The following H2BC15 variants were observed in gnomAD, a reference collection of about 807,000 sequenced individuals.
H2BC15 encodes H2B clustered histone 15, also known as histone H2B type 1-N.
In H2BC15, 5 loss-of-function variants were observed where a neutral mutation model predicts 6.6. That is an observed-to-expected ratio of 0.75 (90% CI 0.39 to 1.59). The LOEUF (loss-of-function observed/expected upper bound fraction) is 1.59. Among genes scored for constraint, H2BC15 ranks in the 40% most tolerant of loss-of-function variants. H2BC15 has a pLI of 0.02. For synonymous variants in H2BC15, 87 were observed against 75.2 expected (o/e 1.16, Z -0.81); for missense variants, 148 against 169.4 (o/e 0.87, Z 0.70).
Position 27,838,645 on chromosome 6 carries a change from G to C in H2BC15, c.-17G>C. Reference sequence around the variant, plus strand: ...TCCTGTTTTTTTCCTCCAATTTTCCGGCAGTTACTCCCAGTCATGCCCGAG... The same window carrying C: ...TCCTGTTTTTTTCCTCCAATTTTCCCGCAGTTACTCCCAGTCATGCCCGAG... On this transcript the variant is annotated 5_prime_UTR_variant, in exon 1 of 1. Transcript: ENST00000612898. 1.2e-6 allele frequency: 2 copies of C among 1,609,670 alleles called. No homozygotes were observed. The highest frequency in any genetic ancestry group is 1.7e-6 in the Non-Finnish European group (2 of 1,178,214).
At position 27,839,015 on chromosome 6, in the gene H2BC15, C is replaced by G. The variant is rs749853515; in HGVS notation, c.354C>G (p.Ala118=). ...ACGCGGTGTCGGAGGGCACCAAGGCCGTCACCAAGTACACCAGTTCCAAGT... is the reference window on the plus strand; with the variant it reads ...ACGCGGTGTCGGAGGGCACCAAGGCGGTCACCAAGTACACCAGTTCCAAGT... ...AKHAVSEGTK[A]VTKYTSSK The change falls in exon 1 of 1, where the codon GCC becomes GCG. Residue 118 remains alanine, a synonymous_variant. Transcript: ENST00000612898. 1.3e-5 allele frequency: 21 copies of G among 1,614,028 alleles called. No individual in the cohort carries two copies. Among genetic ancestry groups the G allele is most frequent in the African/African-American group, 4.0e-5 (3 of 74,944 alleles).
In H2BC15 at chr6:27,838,633, C is replaced by T. The variant is rs774493195; in HGVS notation, c.-29C>T. 3.7e-6 allele frequency: 6 copies of T among 1,603,444 alleles called. No homozygotes were observed. The highest frequency in any genetic ancestry group is 5.1e-6 in the Non-Finnish European group (6 of 1,176,468). ...GAGCTACCGTCTTCCTGTTTTTTTC[C>T]TCCAATTTTCCGGCAGTTACTCCCA... On this transcript the variant is annotated 5_prime_UTR_variant, in exon 1 of 1. Coordinates refer to ENST00000612898, the MANE Select transcript of H2BC15 (RefSeq NM_003520.4).
rs1561933989 is a variant in H2BC15, at chr6:27,838,852, A to G, written c.191A>G (p.Asn64Ser). 6.2e-7 allele frequency: 1 copy of G among 1,614,096 alleles called. No individual in the cohort carries two copies. Among genetic ancestry groups the G allele is most frequent in the African/African-American group, 1.3e-5 (1 of 75,004 alleles). ...GISSKAMGIM[N>S]SFVNDIFERI... ...TCGTCCAAGGCCATGGGCATCATGA[A>G]CTCCTTCGTCAATGACATCTTCGAG... Residue 64 changes from asparagine to serine, a missense_variant, in exon 1 of 1, where the codon AAC becomes AGC. Around this residue, in one of 2 missense-constraint regions of H2BC15, gnomAD observed 58 missense variants for 94.6 expected, o/e 0.61. Transcript: ENST00000612898.
rs759755555 is a variant in H2BC15 at position 27,839,083 on chromosome 6, C to T, written c.*41C>T. ...AACGTTCGGTCAGTCTCGGCCCACA[C>T]CCCAAAGGCTCTTTTCAGAGCCACT... On this transcript the variant is annotated 3_prime_UTR_variant, in exon 1 of 1. Coordinates refer to ENST00000612898, the MANE Select transcript of H2BC15 (RefSeq NM_003520.4). 3.0e-5 allele frequency: 48 copies of T among 1,603,246 alleles called. No individual in the cohort carries two copies. The highest frequency in any genetic ancestry group is 3.9e-5 in the Non-Finnish European group (46 of 1,174,122).
chr6:27,838,593 A>C lies in H2BC15; in HGVS notation c.-69A>C. 1 of 1,582,214 alleles carries C rather than the reference A, an allele frequency of 6.3e-7. No individual in the cohort carries two copies. Among genetic ancestry groups the C allele is most frequent in the Non-Finnish European group, 8.6e-7 (1 of 1,164,680 alleles). On this transcript the variant is annotated 5_prime_UTR_variant, in exon 1 of 1. Coordinates refer to ENST00000612898, the MANE Select transcript of H2BC15 (RefSeq NM_003520.4). Reference sequence around the variant, plus strand: ...CACTTGCGTTAAGAAGCAGTGAATAAGCGGTAGGTTGACAGAGCTACCGTC... The same window carrying C: ...CACTTGCGTTAAGAAGCAGTGAATACGCGGTAGGTTGACAGAGCTACCGTC...
rs748042771 is a variant in H2BC15, at chr6:27,838,864, A to G, written c.203A>G (p.Asn68Ser). 2.7e-5 allele frequency: 43 copies of G among 1,614,146 alleles called. No homozygotes were observed. Among genetic ancestry groups the G allele is most frequent in the African/African-American group, 8.0e-5 (6 of 74,948 alleles). Residue 68 changes from asparagine (N) to serine (S), a missense_variant, in exon 1 of 1, where the codon AAT becomes AGT. Transcript: ENST00000612898. ...KAMGIMNSFV[N>S]DIFERIAGEA... The stretch of plus-strand genomic sequence containing the variant: ...ATGGGCATCATGAACTCCTTCGTCA[A>G]TGACATCTTCGAGCGCATCGCCGGC...
rs1029683436 is a variant in H2BC15, at chr6:27,839,057, G to A, written c.*15G>A. 1 of 1,613,138 alleles carries A rather than the reference G, an allele frequency of 6.2e-7. No homozygotes were observed. Among genetic ancestry groups the A allele is most frequent in the African/African-American group, 1.3e-5 (1 of 75,062 alleles). On this transcript the variant is annotated 3_prime_UTR_variant, in exon 1 of 1. Transcript: ENST00000612898. ...GTTCCAAGTGAGCCCGCCCACCGCG[G>A]AACGTTCGGTCAGTCTCGGCCCACA...
chr6:27,839,098 T>A lies in H2BC15; in HGVS notation c.*56T>A. 6.3e-7 allele frequency: 1 copy of A among 1,580,582 alleles called. No homozygotes were observed. Among genetic ancestry groups the A allele is most frequent in the South Asian group, 1.1e-5 (1 of 87,074 alleles). On this transcript the variant is annotated 3_prime_UTR_variant, in exon 1 of 1. Coordinates refer to ENST00000612898, the MANE Select transcript of H2BC15 (RefSeq NM_003520.4). ...TCGGCCCACACCCCAAAGGCTCTTTTCAGAGCCACTCAGTCTTCCCAAAGA... is the reference window on the plus strand; with the variant it reads ...TCGGCCCACACCCCAAAGGCTCTTTACAGAGCCACTCAGTCTTCCCAAAGA...
rs1761093330 is a variant in H2BC15 at position 27,838,894 on chromosome 6, C to G, written c.233C>G (p.Ala78Gly). 1 of 1,614,160 alleles carries G rather than the reference C, an allele frequency of 6.2e-7. No individual in the cohort carries two copies. Among genetic ancestry groups the G allele is most frequent in the Non-Finnish European group, 8.5e-7 (1 of 1,180,064 alleles). The change falls in exon 1 of 1, where the codon GCT becomes GGT. Residue 78 changes from alanine to glycine, a missense_variant. Coordinates refer to ENST00000612898, the MANE Select transcript of H2BC15 (RefSeq NM_003520.4). ...NDIFERIAGE[A>G]SRLAHYNKRS... is the part of the protein sequence containing the mutation. Reference sequence around the variant, plus strand: ...ATCTTCGAGCGCATCGCCGGCGAGGCTTCCCGCCTGGCGCATTACAACAAG... The same window carrying G: ...ATCTTCGAGCGCATCGCCGGCGAGGGTTCCCGCCTGGCGCATTACAACAAG...
chr6:27,839,053 C>A lies in H2BC15; in HGVS notation c.*11C>A. ...ACCAGTTCCAAGTGAGCCCGCCCACCGCGGAACGTTCGGTCAGTCTCGGCC... is the reference window on the plus strand; with the variant it reads ...ACCAGTTCCAAGTGAGCCCGCCCACAGCGGAACGTTCGGTCAGTCTCGGCC... On this transcript the variant is annotated 3_prime_UTR_variant, in exon 1 of 1. Coordinates refer to ENST00000612898, the MANE Select transcript of H2BC15 (RefSeq NM_003520.4). 1 of 1,613,286 alleles carries A rather than the reference C, an allele frequency of 6.2e-7. No individual in the cohort carries two copies. Among genetic ancestry groups the A allele is most frequent in the Non-Finnish European group, 8.5e-7 (1 of 1,179,464 alleles).
chr6:27,838,762 G>T lies in H2BC15; in HGVS notation c.101G>T (p.Arg34Leu). 2 of 1,614,246 alleles carry T rather than the reference G, an allele frequency of 1.2e-6. No homozygotes were observed. Among genetic ancestry groups the T allele is most frequent in the Non-Finnish European group, 1.7e-6 (2 of 1,180,040 alleles). Residue 34 changes from arginine to leucine, a missense_variant, in exon 1 of 1, where the codon CGC (arginine) becomes CTC (leucine). Arg to Leu is a moderately radical substitution (Grantham distance 102, BLOSUM62 -2). Transcript: ENST00000612898. ...KKDGKKRKRSRKESYSVYVYK... is the reference protein window; with the variant it reads ...KKDGKKRKRSLKESYSVYVYK... ...GACGGCAAGAAGCGCAAGCGCAGCC[G>T]CAAGGAGAGCTACTCCGTGTACGTG...
Position 27,838,599 on chromosome 6 carries a change from A to G in H2BC15, c.-63A>G, listed in dbSNP as rs929561600. 4 of 1,590,886 alleles carry G rather than the reference A, an allele frequency of 2.5e-6. No individual in the cohort carries two copies. Among genetic ancestry groups the G allele is most frequent in the Non-Finnish European group, 3.4e-6 (4 of 1,168,854 alleles). Reference sequence around the variant, plus strand: ...CGTTAAGAAGCAGTGAATAAGCGGTAGGTTGACAGAGCTACCGTCTTCCTG... The same window carrying G: ...CGTTAAGAAGCAGTGAATAAGCGGTGGGTTGACAGAGCTACCGTCTTCCTG... On this transcript the variant is annotated 5_prime_UTR_variant, in exon 1 of 1. Coordinates refer to ENST00000612898, the MANE Select transcript of H2BC15 (RefSeq NM_003520.4).
At position 27,838,736 on chromosome 6, in the gene H2BC15, G is replaced by A. The variant is rs772446900; in HGVS notation, c.75G>A (p.Lys25=). 3 of 1,614,238 alleles carry A rather than the reference G, an allele frequency of 1.9e-6. No homozygotes were observed. The highest frequency in any genetic ancestry group is 2.2e-5 in the East Asian group (1 of 44,876). Residue 25 remains lysine, a synonymous_variant, in exon 1 of 1, where the codon AAG becomes AAA. Coordinates refer to ENST00000612898, the MANE Select transcript of H2BC15 (RefSeq NM_003520.4). ...AGGCAGTGACAAAGGCCCAGAAGAA[G>A]GACGGCAAGAAGCGCAAGCGCAGCC... ...SKKAVTKAQK[K]DGKKRKRSRK... is the part of the protein sequence containing the mutation.
chr6:27,838,693 C>T lies in H2BC15; in HGVS notation c.32C>T (p.Pro11Leu), dbSNP rs749235171. ...GAGCCCTCAAAGTCCGCTCCTGCCC[C>T]GAAGAAAGGCTCCAAGAAGGCAGTG... Reference protein sequence around the residue: MPEPSKSAPAPKKGSKKAVTK... With the variant: MPEPSKSAPALKKGSKKAVTK... Residue 11 changes from proline (P) to leucine (L), a missense_variant, in exon 1 of 1, where the codon CCG becomes CTG. Around this residue, in one of 2 missense-constraint regions of H2BC15, gnomAD observed 90 missense variants for 74.7 expected, o/e 1.20. Coordinates refer to ENST00000612898, the MANE Select transcript of H2BC15 (RefSeq NM_003520.4). The T allele has an allele frequency of 1.9e-6, 3 of 1,614,080 alleles. No individual in the cohort carries two copies. The highest frequency in any genetic ancestry group is 1.6e-4 in the Middle Eastern group (1 of 6,062).
rs746829199 is a variant in H2BC15, at chr6:27,838,956, G to T, written c.295G>T (p.Val99Leu). The change falls in exon 1 of 1, where the codon GTG (valine) becomes TTG (leucine). Residue 99 changes from valine to leucine, a missense_variant. Physicochemically the swap from Val to Leu is conservative, Grantham distance 32 (BLOSUM62 1). Transcript: ENST00000612898. ...TITSREIQTA[V>L]RLLLPGELAK... ...CACCTCCAGGGAGATCCAGACGGCC[G>T]TGCGCCTGCTGCTGCCAGGGGAGCT... The T allele has an allele frequency of 3.7e-6, 6 of 1,614,244 alleles. No individual in the cohort carries two copies. Among genetic ancestry groups the T allele is most frequent in the Non-Finnish European group, 5.1e-6 (6 of 1,180,034 alleles).
In H2BC15 at chr6:27,838,782, T is replaced by C; in HGVS notation, c.121T>C (p.Tyr41His). The C allele has an allele frequency of 6.2e-7, 1 of 1,614,252 alleles. No individual in the cohort carries two copies. The highest frequency in any genetic ancestry group is 8.5e-7 in the Non-Finnish European group (1 of 1,180,034). The change falls in exon 1 of 1, where the codon TAC becomes CAC. Residue 41 changes from tyrosine (Y) to histidine (H), a missense_variant. Transcript: ENST00000612898. ...CAGCCGCAAGGAGAGCTACTCCGTG[T>C]ACGTGTACAAGGTGCTGAAGCAGGT... ...KRSRKESYSV[Y>H]VYKVLKQVHP...
rs767746288 is a variant in H2BC15 at position 27,838,642 on chromosome 6, T to C, written c.-20T>C. On this transcript the variant is annotated 5_prime_UTR_variant, in exon 1 of 1. Coordinates refer to ENST00000612898, the MANE Select transcript of H2BC15 (RefSeq NM_003520.4). ...TCTTCCTGTTTTTTTCCTCCAATTT[T>C]CCGGCAGTTACTCCCAGTCATGCCC... The C allele has an allele frequency of 1.4e-5, 23 of 1,610,422 alleles. No homozygotes were observed. Among genetic ancestry groups the C allele is most frequent in the Non-Finnish European group, 1.9e-5 (22 of 1,178,512 alleles).
At position 27,839,040 on chromosome 6, in the gene H2BC15, T is replaced by G; in HGVS notation, c.379T>G (p.Ter127GlyextTer?). The G allele has an allele frequency of 6.2e-7, 1 of 1,613,746 alleles. No individual in the cohort carries two copies. Among genetic ancestry groups the G allele is most frequent in the Non-Finnish European group, 8.5e-7 (1 of 1,179,792 alleles). Residue 127 changes from the stop codon to glycine (G), a stop_lost, in exon 1 of 1, where the codon TGA (stop) becomes GGA (glycine). Coordinates refer to ENST00000612898, the MANE Select transcript of H2BC15 (RefSeq NM_003520.4). ...CGTCACCAAGTACACCAGTTCCAAG[T>G]GAGCCCGCCCACCGCGGAACGTTCG... ...KAVTKYTSSK[*>G]
In H2BC15 at chr6:27,839,083, C is replaced by G; in HGVS notation, c.*41C>G. ...AACGTTCGGTCAGTCTCGGCCCACA[C>G]CCCAAAGGCTCTTTTCAGAGCCACT... On this transcript the variant is annotated 3_prime_UTR_variant, in exon 1 of 1. Coordinates refer to ENST00000612898, the MANE Select transcript of H2BC15 (RefSeq NM_003520.4). The G allele has an allele frequency of 1.2e-6, 2 of 1,603,364 alleles. No homozygotes were observed. Among genetic ancestry groups the G allele is most frequent in the African/African-American group, 1.3e-5 (1 of 74,708 alleles).
Sources: allele counts gnomAD v4.1 joint callset, GRCh38; gene constraint gnomAD v4.1.1; regional missense constraint gnomAD v4.1.1; transcripts MANE v1.5; gene names NCBI Gene and HGNC (gene_info 2026-07-23, HGNC 2026-07-21).